Variants in VAC14 observed in about 807,000 individuals in gnomAD.
VAC14 encodes the protein VAC14 component of PIKFYVE complex.
Under a neutral mutation model 85.3 loss-of-function variants are expected in VAC14, and 47 were observed. The observed-to-expected ratio is 0.55, with a 90% CI of 0.44 to 0.70. The LOEUF (loss-of-function observed/expected upper bound fraction) is 0.70, where lower values mean the gene tolerates loss of function less well. Ranked by LOEUF, VAC14 falls within the 30% of genes least tolerant of loss-of-function variation. The pLI is 0.00. For synonymous variants in VAC14, 447 were observed against 430.5 expected, an observed-to-expected ratio of 1.04 and a Z score of -0.47; for missense variants, 861 against 1,004.3, an observed-to-expected ratio of 0.86 and a Z score of 1.93.
intron 18 of VAC14, chr16:70,690,530 C>T: frequency 1.0e-6 from 1 of 985,622 alleles, no homozygotes; most frequent in Non-Finnish European, 1.2e-6. Flanking sequence ...GAGACAGTCA[C>T]TGGGGAGTGG....
intron 14 of VAC14, among the ~76,000 whole-genome samples, chr16:70,729,125 G>A (rs557374338): frequency 1.3e-5 from 2 of 152,300 alleles, no homozygotes; most frequent in East Asian, 3.9e-4. Context: ...CATTTCAGAC[G>A]GTCCCAACTG....
At chr16:70,786,085 G>A in intron 2 of VAC14, 130 bp downstream of exon 2, 1 of 1,462,000 alleles carries the variant, frequency 6.8e-7, no homozygotes, top group Non-Finnish European at 9.2e-7. Flanking sequence ...CTGGTCTCAG[G>A]TGCGGACAGA....
intron 9 of VAC14, chr16:70,772,770 A>G (rs1308898239): frequency 6.6e-6 from 1 of 152,334 alleles, no homozygotes; most frequent in East Asian, 1.9e-4. Flanking sequence ...GAAACCTTGT[A>G]TATCAATCAT....
At chr16:70,768,204 C>T (rs1255964140) in intron 10 of VAC14, among the ~76,000 whole-genome samples, 5 of 152,168 alleles carry the variant, frequency 3.3e-5, no homozygotes, top group Non-Finnish European at 7.4e-5. Context: ...CATACTTTAA[C>T]TCACTGAAGC....
intron 14 of VAC14, among the ~76,000 whole-genome samples, chr16:70,726,198 G>A (rs896939456): frequency 6.6e-5 from 10 of 152,352 alleles, no homozygotes; most frequent in Admixed American, 6.5e-4. Context: ...ACAAGGCCTG[G>A]GCTTGTTCTG....
chr16:70,762,482 A>G lies in VAC14; in HGVS notation c.1371+58T>C. On this transcript the variant is annotated intron_variant, in intron 12 of 18. Coordinates refer to ENST00000261776, the MANE Select transcript of VAC14 (RefSeq NM_018052.5). The surrounding 1 kb of genome is among the most constrained non-coding windows in gnomAD (Gnocchi z 4.1). The stretch of plus-strand genomic sequence containing the variant: ...CCAAAATAAGCATATCTCAGTCACT[A>G]ACAAGGGGAGGCAGGGCAGCCGATG... 1 of 1,536,010 alleles carries G rather than the reference A, an allele frequency of 6.5e-7. No homozygotes were observed. Among genetic ancestry groups the G allele is most frequent in the Non-Finnish European group, 9.0e-7 (1 of 1,111,632 alleles).
At chr16:70,716,699 T>G (rs2054174216) in intron 14 of VAC14, 1 of 152,250 alleles carries the variant, frequency 6.6e-6, no homozygotes, top group South Asian at 2.1e-4. Flanking sequence ...AAGCGGGCCC[T>G]GGTATGAGGT....
Position 70,762,727 on chromosome 16 carries a change from C to A in VAC14, c.1306-122G>T. ...CTGCACGGACCACTTCCCTCCCCGACACAATGAGGGCTCCTCGCAGCACCT... is the reference window on the plus strand; with the variant it reads ...CTGCACGGACCACTTCCCTCCCCGAAACAATGAGGGCTCCTCGCAGCACCT... On this transcript the variant is annotated intron_variant, in intron 11 of 18. Transcript: ENST00000261776. This position sits in a 1 kb window ranked among gnomAD's most constrained non-coding sequence, Gnocchi z 4.1. 3.4e-6 allele frequency: 5 copies of A among 1,486,702 alleles called. No individual in the cohort carries two copies. The highest frequency in any genetic ancestry group is 4.6e-6 in the Non-Finnish European group (5 of 1,083,772). The allele number at this position is 1,486,702 out of a possible 1,614,324, so 92.1% of individuals were successfully genotyped here.
intron 13 of VAC14, among the ~76,000 whole-genome samples, chr16:70,738,317 G>T (rs1035417486): frequency 1.3e-5 from 2 of 152,226 alleles, no homozygotes; most frequent in African/African-American, 2.4e-5. Context: ...CACTCAAGGG[G>T]CAATCACTTT....
intron 13 of VAC14, among the ~76,000 whole-genome samples, chr16:70,737,724 C>T (rs993346068): frequency 6.6e-5 from 10 of 152,202 alleles, no homozygotes; most frequent in Non-Finnish European, 1.5e-4. Flanking sequence ...ATCCACAGAA[C>T]GTCTCACAAA....
rs117325790 is a variant in VAC14 at position 70,712,711 on chromosome 16, G to A, written c.1662-13900C>T. Among the ~76,000 whole-genome samples the A allele has an allele frequency of 4.2e-3, 647 of 152,352 alleles. 2 individuals carry two copies. The highest frequency in any genetic ancestry group is 0.014 in the Middle Eastern group (4 of 294). On this transcript the variant is annotated intron_variant, in intron 14 of 18. Transcript: ENST00000261776. The stretch of plus-strand genomic sequence containing the variant: ...AAGCTGAGACCCAGAGGCTACTTCT[G>A]AGGGAGGAGGTGGCAGGTGGTCAGG...
intron 12 of VAC14, among the ~76,000 whole-genome samples, chr16:70,750,836 A>G (rs369714440): frequency 2.2e-4 from 33 of 152,054 alleles, no homozygotes; most frequent in African/African-American, 5.3e-4. Context: ...CGGTGTGGAA[A>G]GCTCCCAGCT....
chr16:70,760,815 G>C (rs1412367151), intron 12 of VAC14, among the ~76,000 whole-genome samples: 2 of 152,120 alleles, frequency 1.3e-5, no homozygotes, highest in Non-Finnish European at 2.9e-5. Flanking sequence ...GAAGTCCTAG[G>C]GAAGGAACCA....
At chr16:70,723,346 G>C (rs1454333444) in intron 14 of VAC14, among the ~76,000 whole-genome samples, 1 of 152,182 alleles carries the variant, frequency 6.6e-6, no homozygotes, top group African/African-American at 2.4e-5. Flanking sequence ...GAGAGGCTGA[G>C]GCAGGAGGTC....
At chr16:70,760,925 T>C (rs1159312452) in intron 12 of VAC14, among the ~76,000 whole-genome samples, 1 of 142,960 alleles carries the variant, frequency 7.0e-6, no homozygotes, top group Non-Finnish European at 1.5e-5. Context: ...CAAGTCCACC[T>C]GGGCCTCGCG....
chr16:70,779,069 C>T (rs947518837), intron 9 of VAC14: 2 of 152,228 alleles, frequency 1.3e-5, no homozygotes, highest in African/African-American at 4.8e-5. Context: ...CCCGGGCCTC[C>T]CGCGTGGCAG....
chr16:70,730,525 AC>A (rs1416485733), intron 14 of VAC14, among the ~76,000 whole-genome samples: 2 of 140,346 alleles, frequency 1.4e-5, no homozygotes, highest in Admixed American at 7.2e-5. Flanking sequence ...GTCCCCAAGC[AC>A]CCCAGACCAC....
At position 70,783,018 on chromosome 16, in the gene VAC14, T is replaced by G. The variant is rs1187637750; in HGVS notation, c.811+15A>C. On this transcript the variant is annotated intron_variant, in intron 7 of 18. Transcript: ENST00000261776. ...CAGTGGCAGCCGTGGCTGTGGGCCCTCCCCCAATACTCACCTGTTGTCTGG... is the reference window on the plus strand; with the variant it reads ...CAGTGGCAGCCGTGGCTGTGGGCCCGCCCCCAATACTCACCTGTTGTCTGG... The G allele has an allele frequency of 6.2e-7, 1 of 1,609,646 alleles. No individual in the cohort carries two copies. The highest frequency in any genetic ancestry group is 2.2e-5 in the East Asian group (1 of 44,838).
At chr16:70,706,511 CTTGT>C (rs1198075070) in intron 14 of VAC14, among the ~76,000 whole-genome samples, 2 of 152,144 alleles carry the variant, frequency 1.3e-5, no homozygotes, top group Non-Finnish European at 2.9e-5. Flanking sequence ...GGGGCGAGCC[CTTGT>C]TTATTTTCTT....
Sources: gnomAD v4.1 joint callset for allele counts (sites outside exome capture counted in the v4.1 genomes callset) on GRCh38, gnomAD v4.1.1 for gene constraint, Gnocchi (gnomAD v3.1) non-coding constraint, MANE v1.5 for transcripts, NCBI Gene and HGNC (gene_info 2026-07-23, HGNC 2026-07-21) for gene names.